Variants in MBD5 observed in about 807,000 individuals in gnomAD.
MBD5 encodes the protein methyl-CpG-binding domain protein 5.
In MBD5, 13 loss-of-function variants were observed where a neutral mutation model predicts 117.3. The ratio of observed to expected loss-of-function variants is 0.11; its 90% CI spans 0.07 to 0.18. MBD5 has a LOEUF of 0.18. Among genes scored for constraint, MBD5 ranks in the 10% least tolerant of loss-of-function variants. The pLI is 1.00. For missense variants in MBD5, 1,879 were observed against 2,093.8 expected (o/e 0.90, Z 2.00); for synonymous variants, 727 against 766.4 (o/e 0.95, Z 0.85).
At chr2:148,479,724 T>G (rs1681087063) in intron 8 of MBD5, among the ~76,000 whole-genome samples, 1 of 151,296 alleles carries the variant, frequency 6.6e-6, no homozygotes, top group African/African-American at 2.4e-5. Flanking sequence ...TTTGTTGTTT[T>G]TTTTTTTTTT....
chr2:148,298,831 A>C (rs1451166855), intron 3 of MBD5, among the ~76,000 whole-genome samples: 2 of 152,218 alleles, frequency 1.3e-5, no homozygotes, highest in Non-Finnish European at 2.9e-5. Context: ...ACATGTACGA[A>C]TAGGCACAAC....
chr2:148,241,737 A>G (rs980371610), intron 3 of MBD5, among the ~76,000 whole-genome samples: 3 of 152,180 alleles, frequency 2.0e-5, no homozygotes, highest in Admixed American at 2.0e-4. Context: ...GGAGAGCCAT[A>G]TAAACGTAGA....
At chr2:148,306,493 A>T (rs1250659238) in intron 3 of MBD5, among the ~76,000 whole-genome samples, 1 of 152,240 alleles carries the variant, frequency 6.6e-6, no homozygotes, top group East Asian at 1.9e-4. Context: ...CCATAAAAAT[A>T]ATAATACTCA....
intron 4 of MBD5, among the ~76,000 whole-genome samples, chr2:148,360,519 T>A (rs1703502985): frequency 6.6e-6 from 1 of 152,210 alleles, no homozygotes; most frequent in African/African-American, 2.4e-5. Flanking sequence ...TATGTAGGAA[T>A]TATTTTTAAA....
At chr2:148,052,962 CAAAAA>C (rs780207792) in intron 1 of MBD5, among the ~76,000 whole-genome samples, 1 of 102,654 alleles carries the variant, frequency 9.7e-6, no homozygotes. Flanking sequence ...GAGTTCGTCT[CAAAAA>C]AAAAAAAAAA....
chr2:148,482,945 A>C (rs1379136735), intron 8 of MBD5, among the ~76,000 whole-genome samples, 165 bp from the exon 9 acceptor site: 5 of 152,214 alleles, frequency 3.3e-5, no homozygotes, highest in Non-Finnish European at 2.9e-5. Context: ...CTTAAGTCCC[A>C]TTAACAGATG....
intron 1 of MBD5, among the ~76,000 whole-genome samples, chr2:148,152,536 G>A (rs1280571720): frequency 6.6e-6 from 1 of 151,658 alleles, no homozygotes; most frequent in Non-Finnish European, 1.5e-5. Flanking sequence ...GTTGACAGTG[G>A]GGTGTTAAAG....
chr2:148,087,510 T>C (rs1695826668), intron 1 of MBD5, among the ~76,000 whole-genome samples: 1 of 152,198 alleles, frequency 6.6e-6, no homozygotes, highest in Non-Finnish European at 1.5e-5. Flanking sequence ...TATCCATGGC[T>C]GGGAGACCGG....
At chr2:148,051,812 C>T (rs1008819564) in intron 1 of MBD5, among the ~76,000 whole-genome samples, 34 of 151,812 alleles carry the variant, frequency 2.2e-4, no homozygotes, top group Admixed American at 9.2e-4. Flanking sequence ...AGCTATTGAT[C>T]TATAGTTTTC....
At chr2:148,447,233 A>AAGAG (rs1706585191) in intron 4 of MBD5, among the ~76,000 whole-genome samples, 1 of 71,786 alleles carries the variant, frequency 1.4e-5, no homozygotes, top group African/African-American at 3.4e-5. Flanking sequence ...GAAAGAAAGA[A>AAGAG]AGGGAAAGGA....
chr2:148,150,959 C>T (rs1247806740), intron 1 of MBD5, among the ~76,000 whole-genome samples: 1 of 151,358 alleles, frequency 6.6e-6, no homozygotes, highest in Non-Finnish European at 1.5e-5. Flanking sequence ...ATTGCCCTGG[C>T]CAGAACTTCC....
chr2:148,499,253 A>G, intron 11 of MBD5, among the ~76,000 whole-genome samples: 1 of 152,220 alleles, frequency 6.6e-6, no homozygotes, highest in Non-Finnish European at 1.5e-5. Context: ...CAGTGAGCCA[A>G]GGTCACGCCA....
chr2:148,389,968 C>T (rs1704516241), intron 4 of MBD5, among the ~76,000 whole-genome samples: 1 of 151,962 alleles, frequency 6.6e-6, no homozygotes, highest in African/African-American at 2.4e-5. Flanking sequence ...TCGCATTTGC[C>T]TTTGGTCTTA....
At position 148,363,071 on chromosome 2, in the gene MBD5, T is replaced by G. The variant is rs183251925; in HGVS notation, c.-557+20735T>G. Reference sequence around the variant, plus strand: ...CGGCTGAAAATTCCAAAACCCAGAATGCCTCTTCTCCTCCAAGTGATCACA... The same window carrying G: ...CGGCTGAAAATTCCAAAACCCAGAAGGCCTCTTCTCCTCCAAGTGATCACA... On this transcript the variant is annotated intron_variant, in intron 4 of 13. Transcript: ENST00000642680. Among the ~76,000 whole-genome samples, 183 of 152,178 alleles carry G rather than the reference T, an allele frequency of 1.2e-3. 1 individual carries two copies. Among genetic ancestry groups the G allele is most frequent in the African/African-American group, 4.2e-3 (176 of 41,548 alleles).
At chr2:148,219,922 C>G (rs1699643631) in intron 2 of MBD5, 1 of 152,076 alleles carries the variant, frequency 6.6e-6, no homozygotes, top group South Asian at 2.1e-4. Flanking sequence ...TAAAGATCAC[C>G]AGGTTTTATC....
At chr2:148,069,558 A>G (rs1338253314) in intron 1 of MBD5, among the ~76,000 whole-genome samples, 4 of 152,128 alleles carry the variant, frequency 2.6e-5, no homozygotes, top group Admixed American at 6.5e-5. Flanking sequence ...TTTAGAAGCT[A>G]TGTCACAATG....
chr2:148,222,766 C>T (rs531444987), intron 2 of MBD5, among the ~76,000 whole-genome samples: 5 of 152,070 alleles, frequency 3.3e-5, no homozygotes, highest in African/African-American at 1.2e-4. Context: ...CCCTTTATTT[C>T]TTTCTCTTGT....
Position 148,484,033 on chromosome 2 carries a change from A to C in MBD5, c.3442A>C (p.Asn1148His). 1.3e-6 allele frequency: 2 copies of C among 1,550,472 alleles called. No homozygotes were observed. The highest frequency in any genetic ancestry group is 1.7e-6 in the Non-Finnish European group (2 of 1,146,906). ...AVVSMAETLL[N>H]ISNNAGNTPG... ...GGTGTCAATGGCAGAAACATTGCTGAATATATCTAATAATGCTGGGAATAC... is the reference window on the plus strand; with the variant it reads ...GGTGTCAATGGCAGAAACATTGCTGCATATATCTAATAATGCTGGGAATAC... The change falls in exon 9 of 14, where the codon AAT becomes CAT. Residue 1148 changes from asparagine (N) to histidine (H), a missense_variant. Coordinates refer to ENST00000642680, the MANE Select transcript of MBD5 (RefSeq NM_001378120.1).
At chr2:148,081,380 C>T (rs919237429) in intron 1 of MBD5, among the ~76,000 whole-genome samples, 3 of 152,134 alleles carry the variant, frequency 2.0e-5, no homozygotes. Flanking sequence ...GGAGATAATG[C>T]AATTAACTCC....
Sources: gnomAD v4.1 joint callset for allele counts (sites outside exome capture counted in the v4.1 genomes callset) on GRCh38, gnomAD v4.1.1 for gene constraint, MANE v1.5 for transcripts, NCBI Gene and HGNC (gene_info 2026-07-23, HGNC 2026-07-21) for gene names.